PAN3: variants seen among roughly 807,000 people sequenced by gnomAD.
The protein encoded by PAN3 is poly(A) specific ribonuclease subunit PAN3.
In PAN3, 19 loss-of-function variants were observed where a neutral mutation model predicts 96.2. That is an observed-to-expected ratio of 0.20 (90% CI 0.14 to 0.29). The LOEUF is 0.29. PAN3 is among the 10% of genes least tolerant of loss of function. PAN3 has a pLI of 1.00. For missense variants in PAN3, 882 were observed against 1,108.1 expected, an observed-to-expected ratio of 0.80 and a Z score of 2.90; for synonymous variants, 433 against 406.6, an observed-to-expected ratio of 1.06 and a Z score of -0.78.
chr13:28,197,356 AT>A lies in PAN3; in HGVS notation c.852+15del. The A allele has an allele frequency of 1.9e-6, 3 of 1,566,522 alleles. No homozygotes were observed. The highest frequency in any genetic ancestry group is 2.6e-6 in the Non-Finnish European group (3 of 1,154,412). ...AGAAAACAATTTACAGGTAAAAATA[AT>A]TTTTATTAGACATTTCTTGAAAGTG... On this transcript the variant is annotated intron_variant, in intron 5 of 18. Transcript: ENST00000380958.
At chr13:28,253,676 T>C (rs1289713818) in intron 6 of PAN3, among the ~76,000 whole-genome samples, 1 of 150,604 alleles carries the variant, frequency 6.6e-6, no homozygotes, top group Non-Finnish European at 1.5e-5. Flanking sequence ...CATGGGCGCT[T>C]TGTGGCTCAT....
At chr13:28,262,098 A>T (rs1885788011) in intron 9 of PAN3, among the ~76,000 whole-genome samples, 1 of 152,152 alleles carries the variant, frequency 6.6e-6, no homozygotes, top group South Asian at 2.1e-4. Context: ...AATACTTTAC[A>T]TGTCTTACTT....
At chr13:28,288,917 C>T (rs967448553) in intron 18 of PAN3, among the ~76,000 whole-genome samples, 1 of 150,702 alleles carries the variant, frequency 6.6e-6, no homozygotes, top group South Asian at 2.1e-4. Flanking sequence ...AGCTCCGCCT[C>T]CCGGGTTCAC....
At chr13:28,166,961 T>G (rs1873625161) in intron 1 of PAN3, among the ~76,000 whole-genome samples, 1 of 152,104 alleles carries the variant, frequency 6.6e-6, no homozygotes, top group Non-Finnish European at 1.5e-5. Context: ...TGGTAGGGAG[T>G]AGCAGCCTTG....
Position 28,295,266 on chromosome 13 carries a change from T to TG in PAN3, c.*2744_*2745insG, listed in dbSNP as rs1174317776. The TG allele has an allele frequency of 1.3e-5, 2 of 152,238 alleles. No individual in the cohort carries two copies. The highest frequency in any genetic ancestry group is 4.8e-5 in the African/African-American group (2 of 41,458). The allele number at this position is 152,238 out of a possible 1,614,324, so 9.4% of individuals were successfully genotyped here. ...TAATGTCATGACCCAATTTGTGTTA[T>TG]TCATCTTTAATCCTGTTTTCAGTCT... On this transcript the variant is annotated 3_prime_UTR_variant, in exon 19 of 19. Coordinates refer to ENST00000380958, the MANE Select transcript of PAN3 (RefSeq NM_175854.8).
chr13:28,249,133 A>G (rs528462400), intron 6 of PAN3, among the ~76,000 whole-genome samples: 4 of 152,146 alleles, frequency 2.6e-5, no homozygotes, highest in African/African-American at 7.2e-5. Context: ...TACTTGTCCT[A>G]TCTTTTATTT....
At chr13:28,173,149 T>TA (rs2138093383) in intron 1 of PAN3, among the ~76,000 whole-genome samples, 1 of 152,208 alleles carries the variant, frequency 6.6e-6, no homozygotes, top group East Asian at 1.9e-4. Flanking sequence ...TATAGCTACT[T>TA]ACGGCAATAG....
chr13:28,250,194 C>G (rs115251796), intron 6 of PAN3, among the ~76,000 whole-genome samples: 1,818 of 150,510 alleles, frequency 0.012, 25 homozygotes, highest in African/African-American at 0.043. Context: ...TTATTTTGCT[C>G]AGAACTCTTT....
rs560909136 is a variant in PAN3 at position 28,273,287 on chromosome 13, A to C, written c.2049+1216A>C. Reference sequence around the variant, plus strand: ...AATGATAAAGTATCGAAGAATAAGAACGTATCTTCAAGCATTAAGAACAGT... The same window carrying C: ...AATGATAAAGTATCGAAGAATAAGACCGTATCTTCAAGCATTAAGAACAGT... On this transcript the variant is annotated intron_variant, in intron 14 of 18. Transcript: ENST00000380958. Among the ~76,000 whole-genome samples the C allele has an allele frequency of 2.0e-5, 3 of 152,300 alleles. No individual in the cohort carries two copies. The South Asian group carries it at 6.2e-4, about 32-fold the overall frequency.
chr13:28,265,144 C>T (rs542497972), intron 9 of PAN3, among the ~76,000 whole-genome samples: 38 of 152,116 alleles, frequency 2.5e-4, no homozygotes, highest in Admixed American at 7.9e-4. Flanking sequence ...GACATTATAC[C>T]AATCATTCAA....
At chr13:28,248,508 A>G (rs2138542141) in intron 6 of PAN3, among the ~76,000 whole-genome samples, 1 of 120,002 alleles carries the variant, frequency 8.3e-6, no homozygotes, top group East Asian at 2.4e-4. Context: ...TCCAGATCTT[A>G]GAGGAAAGGC....
intron 6 of PAN3, among the ~76,000 whole-genome samples, chr13:28,237,207 T>C (rs1485845266): frequency 1.4e-5 from 2 of 145,300 alleles, no homozygotes; most frequent in African/African-American, 2.5e-5. Flanking sequence ...TTTTTTTTTT[T>C]ACATGTTAAG....
rs563629515 is a variant in PAN3, at chr13:28,203,815, T to C, written c.852+6469T>C. 3.6e-4 allele frequency among the ~76,000 whole-genome samples: 55 copies of C among 151,408 alleles called. 1 individual carries two copies. Among genetic ancestry groups the C allele is most frequent in the Non-Finnish European group, 6.6e-4 (45 of 67,720 alleles). ...CTTTTCTTTTTTCTTTTCTTTTTTT[T>C]TTTTTTTGAGACGGAGTCTTGCTCT... On this transcript the variant is annotated intron_variant, in intron 5 of 18. Transcript: ENST00000380958.
At chr13:28,271,618 G>T (rs1886633226) in intron 13 of PAN3, among the ~76,000 whole-genome samples, 1 of 152,166 alleles carries the variant, frequency 6.6e-6, no homozygotes, top group Non-Finnish European at 1.5e-5. Context: ...AAAATGCTTA[G>T]AACAGTGTCT....
intron 6 of PAN3, among the ~76,000 whole-genome samples, chr13:28,236,533 G>A (rs1883130018): frequency 6.6e-6 from 1 of 152,156 alleles, no homozygotes. Context: ...AAACTTTCAT[G>A]GAAGAAGAAC....
chr13:28,281,495 C>T (rs1887463851), intron 17 of PAN3, 116 bp downstream of exon 17: 7 of 951,298 alleles, frequency 7.4e-6, no homozygotes, highest in African/African-American at 1.7e-5. Context: ...TGTGAAGTGA[C>T]CTTAAGATTG....
chr13:28,236,622 A>G (rs191132026), intron 6 of PAN3, among the ~76,000 whole-genome samples: 1 of 152,216 alleles, frequency 6.6e-6, no homozygotes, highest in East Asian at 1.9e-4. Context: ...GAAGTTTGTT[A>G]TTTTTTCTAT....
intron 17 of PAN3, 57 bp downstream of exon 17, chr13:28,281,436 A>G (rs912488883): frequency 2.1e-6 from 3 of 1,415,550 alleles, no homozygotes; most frequent in Non-Finnish European, 3.0e-6. Flanking sequence ...ATTTTGCATA[A>G]TAAGAATAAG....
At chr13:28,188,130 T>C (rs1363569481) in intron 4 of PAN3, among the ~76,000 whole-genome samples, 1 of 152,226 alleles carries the variant, frequency 6.6e-6, no homozygotes, top group Non-Finnish European at 1.5e-5. Context: ...TATGAATTTA[T>C]TTTCTTTTAC....
Sources: gnomAD v4.1 joint callset for allele counts (sites outside exome capture counted in the v4.1 genomes callset) on GRCh38, gnomAD v4.1.1 for gene constraint, MANE v1.5 for transcripts, NCBI Gene and HGNC (gene_info 2026-07-23, HGNC 2026-07-21) for gene names.